Variants in ASTN2 observed in about 807,000 individuals in gnomAD.
The protein encoded by ASTN2 is astrotactin 2, also known as astrotactin-2.
In ASTN2, 54 loss-of-function variants were observed where a neutral mutation model predicts 139.8. The ratio of observed to expected loss-of-function variants is 0.39; its 90% CI spans 0.31 to 0.48. ASTN2 has a LOEUF of 0.48. ASTN2 is among the 20% of genes least tolerant of loss of function. ASTN2 has a pLI of 0.95. For missense variants in ASTN2, 1,565 were observed against 1,725.1 expected, an observed-to-expected ratio of 0.91 and a Z score of 1.64; for synonymous variants, 756 against 719.5, an observed-to-expected ratio of 1.05 and a Z score of -0.81.
intron 16 of ASTN2, among the ~76,000 whole-genome samples, chr9:116,684,308 T>C (rs1428933524): frequency 6.6e-6 from 1 of 152,210 alleles, no homozygotes; most frequent in Non-Finnish European, 1.5e-5. Flanking sequence ...TACATTTCTG[T>C]AAACAAATCA....
At chr9:117,092,748 T>TGGGCTGGCTCACACACCC (rs1828736944) in intron 5 of ASTN2, among the ~76,000 whole-genome samples, 1 of 152,178 alleles carries the variant, frequency 6.6e-6, no homozygotes, top group South Asian at 2.1e-4. Context: ...GTGTCACCGC[T>TGGGCTGGCTCACACACCC]GGGCTGGCTC....
intron 11 of ASTN2, among the ~76,000 whole-genome samples, chr9:116,832,109 T>A (rs887375539): frequency 1.4e-4 from 21 of 152,280 alleles, no homozygotes; most frequent in Middle Eastern, 3.4e-3. Context: ...AAATTGCAAA[T>A]GGGATTGTAT....
At chr9:116,612,251 A>G (rs1855581563) in intron 19 of ASTN2, 1 of 152,206 alleles carries the variant, frequency 6.6e-6, no homozygotes, top group South Asian at 2.1e-4. Flanking sequence ...AAAGAGACTT[A>G]GACTCCCACA....
chr9:116,937,008 G>A (rs761213443), intron 10 of ASTN2, among the ~76,000 whole-genome samples: 12 of 152,034 alleles, frequency 7.9e-5, no homozygotes, highest in African/African-American at 1.7e-4. Context: ...TGTATGTGTC[G>A]GATTTTTAAT....
chr9:116,676,495 C>A (rs1859509370), intron 16 of ASTN2, among the ~76,000 whole-genome samples: 1 of 152,178 alleles, frequency 6.6e-6, no homozygotes. Flanking sequence ...GTCCCTGAAA[C>A]CAACACAGTA....
intron 17 of ASTN2, among the ~76,000 whole-genome samples, chr9:116,624,549 A>G (rs1564162981): frequency 6.6e-6 from 1 of 152,202 alleles, no homozygotes; most frequent in Admixed American, 6.5e-5. Flanking sequence ...ATATCTTAGG[A>G]ATTTTAAACT....
intron 1 of ASTN2, among the ~76,000 whole-genome samples, chr9:117,355,090 C>T (rs545774632): frequency 4.6e-5 from 7 of 152,146 alleles, no homozygotes; most frequent in Middle Eastern, 3.4e-3. Flanking sequence ...ACAAATTTCC[C>T]TTTACTCCAG....
chr9:116,828,646 CAAGACA>C (rs1831713304), intron 11 of ASTN2, among the ~76,000 whole-genome samples: 1 of 152,200 alleles, frequency 6.6e-6, no homozygotes, highest in South Asian at 2.1e-4. Context: ...AGAACTAGAA[CAAGACA>C]AAGACATCCC....
chr9:116,553,792 G>C (rs1374336947), intron 19 of ASTN2, among the ~76,000 whole-genome samples: 1 of 152,142 alleles, frequency 6.6e-6, no homozygotes, highest in African/African-American at 2.4e-5. Context: ...TAGACAGTCT[G>C]GGAAAGTCAA....
chr9:117,359,953 A>T (rs573442152), intron 1 of ASTN2, among the ~76,000 whole-genome samples: 2 of 152,220 alleles, frequency 1.3e-5, no homozygotes, highest in African/African-American at 4.8e-5. Flanking sequence ...GGCGGTGAAC[A>T]TCGGCTTTTC....
chr9:116,826,876 A>G (rs10983364), intron 11 of ASTN2, among the ~76,000 whole-genome samples: 1,681 of 152,294 alleles, frequency 0.011, 20 homozygotes, highest in East Asian at 0.034. Flanking sequence ...ATCTCAACTA[A>G]CAACTGTGTG....
At chr9:116,995,208 T>A (rs1836981773) in intron 7 of ASTN2, among the ~76,000 whole-genome samples, 1 of 152,218 alleles carries the variant, frequency 6.6e-6, no homozygotes, top group African/African-American at 2.4e-5. Context: ...GTGGTCTTCT[T>A]CATTCTACAT....
At chr9:116,969,559 C>G (rs952571671) in intron 10 of ASTN2, among the ~76,000 whole-genome samples, 1 of 152,078 alleles carries the variant, frequency 6.6e-6, no homozygotes, top group East Asian at 1.9e-4. Flanking sequence ...AACAGAAAAA[C>G]AGAGTGCACC....
At chr9:117,293,397 T>A (rs961562746) in intron 1 of ASTN2, among the ~76,000 whole-genome samples, 1 of 152,084 alleles carries the variant, frequency 6.6e-6, no homozygotes, top group Non-Finnish European at 1.5e-5. Context: ...AGTCTTTGCA[T>A]GGCCTCCTAC....
intron 13 of ASTN2, among the ~76,000 whole-genome samples, chr9:116,767,791 G>A (rs146161337): frequency 8.5e-5 from 13 of 152,230 alleles, no homozygotes; most frequent in Non-Finnish European, 1.0e-4. Context: ...ACAATGATGG[G>A]GAACAGAGGA....
intron 19 of ASTN2, among the ~76,000 whole-genome samples, chr9:116,539,345 T>C (rs538517801): frequency 4.6e-5 from 7 of 151,546 alleles, no homozygotes; most frequent in Middle Eastern, 3.4e-3. Flanking sequence ...GTATGTAAAT[T>C]ATATTGCAAT....
chr9:116,644,163 T>C (rs1231207612), intron 17 of ASTN2, among the ~76,000 whole-genome samples: 1 of 152,142 alleles, frequency 6.6e-6, no homozygotes, highest in African/African-American at 2.4e-5. Flanking sequence ...GGGTGAGACT[T>C]GGCTGTTAAT....
At chr9:116,832,394 T>C (rs1419120207) in intron 11 of ASTN2, among the ~76,000 whole-genome samples, 2 of 152,110 alleles carry the variant, frequency 1.3e-5, no homozygotes, top group African/African-American at 4.8e-5. Context: ...TCCCACACGA[T>C]GTTGAATAAC....
chr9:116,981,543 G>A (rs1836513948), intron 7 of ASTN2, among the ~76,000 whole-genome samples: 2 of 152,228 alleles, frequency 1.3e-5, no homozygotes, highest in Admixed American at 1.3e-4. Context: ...CTCAAGCTAA[G>A]AGAGTAAAGG....
Sources: gnomAD v4.1 joint callset for allele counts (sites outside exome capture counted in the v4.1 genomes callset) on GRCh38, gnomAD v4.1.1 for gene constraint, MANE v1.5 for transcripts, NCBI Gene and HGNC (gene_info 2026-07-23, HGNC 2026-07-21) for gene names.